Variants in SF3B1 observed in about 807,000 individuals in gnomAD.
The protein encoded by SF3B1 is splicing factor 3b subunit 1.
SF3B1 carries 12 observed loss-of-function variants against 153.8 expected under a neutral mutation model. The ratio of observed to expected loss-of-function variants is 0.08; its 90% CI spans 0.05 to 0.13. The LOEUF (loss-of-function observed/expected upper bound fraction) is 0.13, where lower values mean the gene tolerates loss of function less well. SF3B1 is among the 10% of genes least tolerant of loss of function. SF3B1 has a pLI of 1.00. For synonymous variants in SF3B1, 498 were observed against 525.2 expected (o/e 0.95, Z 0.71); for missense variants, 513 against 1,606.1 (o/e 0.32, Z 11.63).
rs1243842886 is a variant in SF3B1 at position 197,401,605 on chromosome 2, AAAAAT to A, written c.2371-85_2371-81del. 5 of 1,511,406 alleles carry A rather than the reference AAAAAT, an allele frequency of 3.3e-6. No homozygotes were observed. Among genetic ancestry groups the A allele is most frequent in the Non-Finnish European group, 4.5e-6 (5 of 1,109,044 alleles). 93.6% of individuals were successfully genotyped at this position (1,511,406 alleles called of 1,614,324 possible). On this transcript the variant is annotated intron_variant, in intron 16 of 24. Transcript: ENST00000335508. The surrounding 1 kb of genome is among the most constrained non-coding windows in gnomAD (Gnocchi z 4.2). Reference sequence around the variant, plus strand: ...ACTCATTGCTGATTACGTGATTTTAAAAAATAAAATTTAAAAACAAATCAAACAGT... The same window carrying A: ...ACTCATTGCTGATTACGTGATTTTAAAAAATTTAAAAACAAATCAAACAGT...
chr2:197,400,646 C>G lies in SF3B1; in HGVS notation c.2718+69G>C. The G allele has an allele frequency of 1.6e-6, 2 of 1,273,318 alleles. No homozygotes were observed. The highest frequency in any genetic ancestry group is 2.2e-6 in the Non-Finnish European group (2 of 910,628). 78.9% of individuals were successfully genotyped at this position (1,273,318 alleles called of 1,614,324 possible). A position where few individuals can be genotyped will look rare whatever the true frequency, so the allele number is the denominator to read the frequency against. On this transcript the variant is annotated intron_variant, in intron 18 of 24. Transcript: ENST00000335508. This position sits in a 1 kb window ranked among gnomAD's most constrained non-coding sequence, Gnocchi z 5.0. ...TTCAATTGCATTCTAGAAAAATTTG[C>G]TTGACAACTAATATGCTTTTCTACA...
At chr2:197,434,806 G>A (rs181833955) in intron 1 of SF3B1, among the ~76,000 whole-genome samples, 166 bp downstream of exon 1, 379 of 152,382 alleles carry the variant, frequency 2.5e-3, no homozygotes, top group Middle Eastern at 6.8e-3. Context: ...ACGCCATTAC[G>A]CGGGGCAGTG....
chr2:197,426,420 C>T (rs1195143682), intron 1 of SF3B1, among the ~76,000 whole-genome samples: 2 of 152,004 alleles, frequency 1.3e-5, no homozygotes, highest in Non-Finnish European at 2.9e-5. Flanking sequence ...CTCAGCCTCC[C>T]AAATAGTTGG....
chr2:197,394,585 C>T (rs1419024641), intron 23 of SF3B1, among the ~76,000 whole-genome samples: 1 of 152,148 alleles, frequency 6.6e-6, no homozygotes, highest in Non-Finnish European at 1.5e-5. Context: ...CGCTGGCTAA[C>T]ACAATGGGAT....
At chr2:197,424,835 T>C (rs1307889691) in intron 1 of SF3B1, among the ~76,000 whole-genome samples, 2 of 152,222 alleles carry the variant, frequency 1.3e-5, no homozygotes, top group African/African-American at 4.8e-5. Context: ...CCATGCTGAA[T>C]TAAGCCCTTT....
Position 197,400,934 on chromosome 2 carries a change from T to C in SF3B1, c.2499A>G (p.Leu833=), listed in dbSNP as rs780559382. ...MALDRRNYRQ[L]VDTTVELANK... ...TTGCCAACTCCACAGTAGTATCAAC[T>C]AACTAAAAAGAACAGAAAAACAAAA... is the stretch of plus-strand genomic sequence containing the variant. Residue 833 remains leucine (L), a splice_region_variant and synonymous_variant, in exon 18 of 25, where the codon TTA becomes TTG. Coordinates refer to ENST00000335508, the MANE Select transcript of SF3B1 (RefSeq NM_012433.4). This position sits in a 1 kb window ranked among gnomAD's most constrained non-coding sequence, Gnocchi z 5.0. 3 of 1,599,488 alleles carry C rather than the reference T, an allele frequency of 1.9e-6. No individual in the cohort carries two copies. The highest frequency in any genetic ancestry group is 1.3e-5 in the African/African-American group (1 of 74,250).
chr2:197,424,850 C>T (rs1297923297), intron 1 of SF3B1, among the ~76,000 whole-genome samples: 2 of 152,248 alleles, frequency 1.3e-5, no homozygotes, highest in Non-Finnish European at 2.9e-5. Context: ...CCCTTTGACA[C>T]CAGGCACTTT....
At chr2:197,424,296 G>C (rs796442311) in intron 1 of SF3B1, among the ~76,000 whole-genome samples, 1 of 152,034 alleles carries the variant, frequency 6.6e-6, no homozygotes, top group Non-Finnish European at 1.5e-5. Context: ...TCAGGAGTTC[G>C]AGACCAACCT....
At chr2:197,406,224 C>G (rs1047618075) in intron 9 of SF3B1, among the ~76,000 whole-genome samples, 7 of 150,296 alleles carry the variant, frequency 4.7e-5, no homozygotes, top group African/African-American at 1.7e-4. Context: ...GGCAACATGG[C>G]AAGACCCCAT....
At chr2:197,428,832 T>C (rs1367691702) in intron 1 of SF3B1, among the ~76,000 whole-genome samples, 1 of 151,526 alleles carries the variant, frequency 6.6e-6, no homozygotes, top group African/African-American at 2.4e-5. Flanking sequence ...GAGGTGGAGG[T>C]TGCAGTGAGC....
At chr2:197,422,199 C>A (rs998115662) in intron 2 of SF3B1, among the ~76,000 whole-genome samples, 1 of 151,980 alleles carries the variant, frequency 6.6e-6, no homozygotes, top group Non-Finnish European at 1.5e-5. Flanking sequence ...GCTAACTAGT[C>A]CATGACTGGC....
chr2:197,426,364 C>CT, intron 1 of SF3B1, among the ~76,000 whole-genome samples: 1 of 152,100 alleles, frequency 6.6e-6, no homozygotes, highest in African/African-American at 2.4e-5. Context: ...GGCTGGATCT[C>CT]GGCTCACTGC....
At chr2:197,435,079 T>TG (rs368484769), upstream of SF3B1, 454 of 1,609,202 alleles carry the variant, frequency 2.8e-4, no homozygotes, top group African/African-American at 8.1e-4. Flanking sequence ...GAAAAATAGC[T>TG]GGGGGCTGCA....
At chr2:197,410,501 A>ATTTTTTTTTTTT (rs573287348) in intron 6 of SF3B1, among the ~76,000 whole-genome samples, 1 of 107,942 alleles carries the variant, frequency 9.3e-6, no homozygotes, top group Non-Finnish European at 1.8e-5. Flanking sequence ...CACCTATGTA[A>ATTTTTTTTTTTT]TTTTTTTTTT....
upstream of SF3B1, chr2:197,435,032 G>C: frequency 1.9e-6 from 3 of 1,614,204 alleles, no homozygotes; most frequent in Non-Finnish European, 2.5e-6. Flanking sequence ...CGGAACTGGC[G>C]CTCCCAAGAA....
chr2:197,398,796 T>G (rs1372079868), intron 20 of SF3B1: 1 of 549,876 alleles, frequency 1.8e-6, no homozygotes, highest in Admixed American at 3.3e-5. Context: ...ATCAGTGAAG[T>G]GATTTAAAGG....
chr2:197,404,898 G>T (rs1270451067), intron 11 of SF3B1, 178 bp downstream of exon 11: 1 of 508,064 alleles, frequency 2.0e-6, no homozygotes, highest in Non-Finnish European at 3.5e-6. Flanking sequence ...TATAAACATG[G>T]CCAGGTGCAG....
intron 11 of SF3B1, 87 bp from the exon 12 acceptor site, chr2:197,403,851 C>CT (rs1311582784): frequency 1.0e-6 from 1 of 988,304 alleles, no homozygotes; most frequent in Admixed American, 3.6e-5. Context: ...ATTTTCCATA[C>CT]TTTAATATTT....
intron 3 of SF3B1, among the ~76,000 whole-genome samples, 197 bp downstream of exon 3, chr2:197,420,832 T>C (rs1352647256): frequency 1.3e-5 from 2 of 152,182 alleles, no homozygotes; most frequent in African/African-American, 4.8e-5. Context: ...GGAGGAATCC[T>C]TGAGCCCAGG....
Sources: gnomAD v4.1 joint callset for allele counts (sites outside exome capture counted in the v4.1 genomes callset) on GRCh38, gnomAD v4.1.1 for gene constraint, Gnocchi (gnomAD v3.1) non-coding constraint, MANE v1.5 for transcripts, NCBI Gene and HGNC (gene_info 2026-07-23, HGNC 2026-07-21) for gene names.